The following CPPED1 variants were observed in gnomAD, a reference collection of about 807,000 sequenced individuals.
CPPED1 encodes the protein serine/threonine-protein phosphatase CPPED1.
Under a neutral mutation model 28.0 loss-of-function variants are expected in CPPED1, and 28 were observed. That is an observed-to-expected ratio of 1.00 (90% confidence interval 0.74 to 1.37). The LOEUF is 1.37. Among genes scored for constraint, CPPED1 ranks in the 40% most tolerant of loss-of-function variants. The probability of loss-of-function intolerance (pLI) is 0.00; values close to 1 mark genes in which losing one functional copy is unlikely to be tolerated. For missense variants in CPPED1, 504 were observed against 416.5 expected, an observed-to-expected ratio of 1.21 and a Z score of -1.83; for synonymous variants, 198 against 180.2, an observed-to-expected ratio of 1.10 and a Z score of -0.79.
At chr16:12,774,334 G>A (rs952203411) in intron 2 of CPPED1, among the ~76,000 whole-genome samples, 1 of 151,976 alleles carries the variant, frequency 6.6e-6, no homozygotes, top group South Asian at 2.1e-4. Flanking sequence ...CAGGTGTGGT[G>A]GCAGGCGCCT....
intron 2 of CPPED1, among the ~76,000 whole-genome samples, chr16:12,743,096 G>T (rs1339491391): frequency 6.6e-6 from 1 of 152,210 alleles, no homozygotes; most frequent in East Asian, 1.9e-4. Flanking sequence ...CAGAAGGAAA[G>T]GTGGGTGTTC....
At chr16:12,717,296 C>T (rs974118477) in intron 2 of CPPED1, among the ~76,000 whole-genome samples, 8 of 152,222 alleles carry the variant, frequency 5.3e-5, no homozygotes, top group Admixed American at 5.2e-4. Flanking sequence ...CGGAGTCTCG[C>T]TTTGTCGCCC....
chr16:12,692,594 T>C (rs555381405), intron 3 of CPPED1, among the ~76,000 whole-genome samples: 1 of 152,332 alleles, frequency 6.6e-6, no homozygotes, highest in South Asian at 2.1e-4. Context: ...GACCTGAATA[T>C]GTCTGTCGGC....
At chr16:12,713,315 A>G (rs1451828963) in intron 2 of CPPED1, among the ~76,000 whole-genome samples, 1 of 152,200 alleles carries the variant, frequency 6.6e-6, no homozygotes, top group East Asian at 1.9e-4. Flanking sequence ...ATGAAATAGC[A>G]TCAAAGGAGA....
intron 3 of CPPED1, among the ~76,000 whole-genome samples, chr16:12,672,618 T>A (rs908395303): frequency 6.6e-6 from 1 of 152,304 alleles, no homozygotes; most frequent in East Asian, 1.9e-4. Flanking sequence ...AGGGTATGTG[T>A]GCATAGACAT....
chr16:12,671,919 G>A (rs771592830), intron 3 of CPPED1, among the ~76,000 whole-genome samples: 11 of 152,206 alleles, frequency 7.2e-5, no homozygotes, highest in Non-Finnish European at 1.5e-4. Flanking sequence ...CATATATGAA[G>A]GGGGTCCCGT....
At chr16:12,671,702 G>A (rs939360418) in intron 3 of CPPED1, among the ~76,000 whole-genome samples, 2 of 152,112 alleles carry the variant, frequency 1.3e-5, no homozygotes, top group African/African-American at 4.8e-5. Context: ...ATATATGAAG[G>A]TGGTCCCATA....
intron 3 of CPPED1, among the ~76,000 whole-genome samples, chr16:12,678,425 A>G (rs895070679): frequency 1.3e-5 from 2 of 152,206 alleles, no homozygotes; most frequent in Non-Finnish European, 2.9e-5. Context: ...CAGTATGCTG[A>G]TTTCTACAAA....
intron 3 of CPPED1, among the ~76,000 whole-genome samples, chr16:12,689,113 A>G (rs1208149260): frequency 6.6e-6 from 1 of 152,132 alleles, no homozygotes; most frequent in Non-Finnish European, 1.5e-5. Flanking sequence ...TACAGAGTAC[A>G]ATGAGCTGTG....
intron 2 of CPPED1, among the ~76,000 whole-genome samples, chr16:12,747,616 C>T (rs1403872506): frequency 2.6e-5 from 4 of 151,950 alleles, no homozygotes; most frequent in African/African-American, 9.7e-5. Context: ...AAACTCCAGG[C>T]CCATGTTGCC....
intron 2 of CPPED1, among the ~76,000 whole-genome samples, chr16:12,721,904 G>A (rs2080143068): frequency 6.6e-6 from 1 of 152,140 alleles, no homozygotes; most frequent in African/African-American, 2.4e-5. Context: ...TCTCCGCTAT[G>A]GAGGTTGTCT....
Position 12,664,672 on chromosome 16 carries a change from C to T in CPPED1, c.*214G>A. ...AGTCTAATATTTTAAAAACTGATTT[C>T]CAGGATCATTCGCTCCATTTTAAAG... On this transcript the variant is annotated 3_prime_UTR_variant, in exon 4 of 4. Coordinates refer to ENST00000381774, the MANE Select transcript of CPPED1 (RefSeq NM_018340.3). This position sits in a 1 kb window ranked among gnomAD's most constrained non-coding sequence, Gnocchi z 4.2. The T allele has an allele frequency of 7.2e-7, 1 of 1,391,890 alleles. No individual in the cohort carries two copies. Among genetic ancestry groups the T allele is most frequent in the East Asian group, 2.9e-5 (1 of 34,440 alleles). The allele number at this position is 1,391,890 out of a possible 1,614,324, so 86.2% of individuals were successfully genotyped here.
chr16:12,678,818 A>T (rs2079890911), intron 3 of CPPED1, among the ~76,000 whole-genome samples: 1 of 152,178 alleles, frequency 6.6e-6, no homozygotes, highest in African/African-American at 2.4e-5. Flanking sequence ...GTTAAAAAAA[A>T]TCGTATCATC....
chr16:12,712,168 G>A lies in CPPED1; in HGVS notation c.290-7119C>T, dbSNP rs956427227. On this transcript the variant is annotated intron_variant, in intron 2 of 3. Coordinates refer to ENST00000381774, the MANE Select transcript of CPPED1 (RefSeq NM_018340.3). Reference sequence around the variant, plus strand: ...GACAGATGGATACATGGATGAGACAGTGCTTAGGCCCTTGCACAGAAAGGG... The same window carrying A: ...GACAGATGGATACATGGATGAGACAATGCTTAGGCCCTTGCACAGAAAGGG... Among the ~76,000 whole-genome samples the A allele has an allele frequency of 3.9e-5, 6 of 152,358 alleles. No individual in the cohort carries two copies. The East Asian group carries it at 7.7e-4, about 20-fold the overall frequency.
At chr16:12,717,738 T>A (rs1596458241) in intron 2 of CPPED1, among the ~76,000 whole-genome samples, 1 of 152,070 alleles carries the variant, frequency 6.6e-6, no homozygotes, top group African/African-American at 2.4e-5. Context: ...ACCTCCTGGG[T>A]TCAAGTGATT....
intron 2 of CPPED1, among the ~76,000 whole-genome samples, chr16:12,728,575 C>T (rs745897262): frequency 1.3e-5 from 2 of 152,026 alleles, no homozygotes; most frequent in Non-Finnish European, 2.9e-5. Context: ...AATATACTAG[C>T]GATCACTCAT....
At chr16:12,681,161 T>C (rs574362008) in intron 3 of CPPED1, among the ~76,000 whole-genome samples, 1 of 150,512 alleles carries the variant, frequency 6.6e-6, no homozygotes, top group African/African-American at 2.4e-5. Context: ...GCGTTATTAT[T>C]TCAATGTGCC....
intron 1 of CPPED1, among the ~76,000 whole-genome samples, chr16:12,794,215 C>A (rs1348822387): frequency 2.5e-5 from 3 of 118,586 alleles, no homozygotes; most frequent in African/African-American, 7.0e-5. Flanking sequence ...GGGGCAGTTT[C>A]AGCACGGGGT....
At chr16:12,786,394 G>C (rs539738135) in intron 1 of CPPED1, among the ~76,000 whole-genome samples, 1 of 149,516 alleles carries the variant, frequency 6.7e-6, no homozygotes, top group Non-Finnish European at 1.5e-5. Flanking sequence ...AGTGACTTTC[G>C]TTTCCTTAAA....
Sources: gnomAD v4.1 joint callset for allele counts (sites outside exome capture counted in the v4.1 genomes callset) on GRCh38, gnomAD v4.1.1 for gene constraint, Gnocchi (gnomAD v3.1) non-coding constraint, MANE v1.5 for transcripts, NCBI Gene and HGNC (gene_info 2026-07-23, HGNC 2026-07-21) for gene names.